The following ITPR2 variants were observed in gnomAD, a reference collection of about 807,000 sequenced individuals.
ITPR2 encodes inositol 1,4,5-trisphosphate receptor type 2.
In ITPR2, 207 loss-of-function variants were observed where a neutral mutation model predicts 317.1. That is an observed-to-expected ratio of 0.65 (90% CI 0.58 to 0.73). ITPR2 has a LOEUF of 0.73. Ranked by LOEUF, ITPR2 falls within the 30% of genes least tolerant of loss-of-function variation. The pLI is 0.00. For missense variants in ITPR2, 2,613 were observed against 3,284.0 expected (o/e 0.80, Z 4.99); for synonymous variants, 1,156 against 1,149.1 (o/e 1.01, Z -0.12).
intron 34 of ITPR2, among the ~76,000 whole-genome samples, chr12:26,571,759 A>G (rs1945166624): frequency 6.6e-6 from 1 of 152,238 alleles, no homozygotes; most frequent in African/African-American, 2.4e-5. Context: ...TTATGTCCAC[A>G]TCATAGATTT....
At chr12:26,626,207 C>A (rs116597301) in intron 23 of ITPR2, among the ~76,000 whole-genome samples, 1 of 152,180 alleles carries the variant, frequency 6.6e-6, no homozygotes, top group Admixed American at 6.5e-5. Flanking sequence ...TCAACCAATC[C>A]GCCCCCTTCG....
chr12:26,394,981 G>A (rs535985488), intron 54 of ITPR2, among the ~76,000 whole-genome samples: 3 of 152,186 alleles, frequency 2.0e-5, no homozygotes, highest in Non-Finnish European at 4.4e-5. Flanking sequence ...AGCTAGGCTA[G>A]AGGAGGGAGA....
intron 26 of ITPR2, among the ~76,000 whole-genome samples, chr12:26,608,377 A>C (rs1451098550): frequency 6.6e-6 from 1 of 152,256 alleles, no homozygotes; most frequent in African/African-American, 2.4e-5. Context: ...ACACATCAGG[A>C]ACCTAGTGAG....
At chr12:26,369,483 T>G (rs547481425) in intron 55 of ITPR2, among the ~76,000 whole-genome samples, 5 of 152,200 alleles carry the variant, frequency 3.3e-5, no homozygotes, top group African/African-American at 1.2e-4. Flanking sequence ...ATGGAATGAA[T>G]GTACATCGTG....
intron 2 of ITPR2, among the ~76,000 whole-genome samples, chr12:26,759,060 C>T (rs1470528562): frequency 1.3e-5 from 2 of 152,140 alleles, no homozygotes; most frequent in East Asian, 3.9e-4. Flanking sequence ...TCTCCAGTGT[C>T]TATCACAGTA....
At chr12:26,661,273 T>TGG (rs1565673570) in intron 15 of ITPR2, among the ~76,000 whole-genome samples, 1 of 14,300 alleles carries the variant, frequency 7.0e-5, no homozygotes, top group Non-Finnish European at 1.6e-4. Flanking sequence ...GGGGTGTGTG[T>TGG]GTGGGGGGGG....
intron 55 of ITPR2, among the ~76,000 whole-genome samples, chr12:26,359,918 T>C (rs1242109605): frequency 6.6e-6 from 1 of 152,204 alleles, no homozygotes; most frequent in Non-Finnish European, 1.5e-5. Flanking sequence ...CCCATTCTTC[T>C]GTTCTGTATC....
chr12:26,566,818 T>G (rs767442945), intron 34 of ITPR2, among the ~76,000 whole-genome samples: 1 of 152,178 alleles, frequency 6.6e-6, no homozygotes, highest in Non-Finnish European at 1.5e-5. Context: ...CACACAGCAG[T>G]GCAACTGCAC....
intron 1 of ITPR2, among the ~76,000 whole-genome samples, chr12:26,817,727 C>T (rs138787461): frequency 6.6e-6 from 1 of 152,292 alleles, no homozygotes; most frequent in Non-Finnish European, 1.5e-5. Context: ...TACAGTAGAG[C>T]CAGCATTTGA....
At chr12:26,444,126 T>C (rs955778074) in intron 45 of ITPR2, among the ~76,000 whole-genome samples, 1 of 152,164 alleles carries the variant, frequency 6.6e-6, no homozygotes, top group Admixed American at 6.6e-5. Context: ...TGTTGCTTCA[T>C]GTTTGTAAGC....
At chr12:26,719,254 T>C (rs1214573446) in intron 5 of ITPR2, among the ~76,000 whole-genome samples, 2 of 152,200 alleles carry the variant, frequency 1.3e-5, no homozygotes, top group Admixed American at 6.5e-5. Context: ...ATTTTCAAAA[T>C]AGTGAAGCTC....
Position 26,730,538 on chromosome 12 carries a change from G to C in ITPR2, c.164-4773C>G, listed in dbSNP as rs569113319. On this transcript the variant is annotated intron_variant, in intron 2 of 56. Transcript: ENST00000381340. Reference sequence around the variant, plus strand: ...CGAGCATCAACAGCACAAATAAAAGGAAGTTATTTTTGTTTAATTTTTTTA... The same window carrying C: ...CGAGCATCAACAGCACAAATAAAAGCAAGTTATTTTTGTTTAATTTTTTTA... Among the ~76,000 whole-genome samples, 8 of 152,254 alleles carry C rather than the reference G, an allele frequency of 5.3e-5. No individual in the cohort carries two copies. The South Asian group carries it at 1.7e-3, about 32-fold the overall frequency.
At chr12:26,632,854 G>A (rs1298508556) in intron 21 of ITPR2, among the ~76,000 whole-genome samples, 1 of 152,130 alleles carries the variant, frequency 6.6e-6, no homozygotes. Flanking sequence ...TCCTTACACT[G>A]ACCACAAATA....
At chr12:26,658,233 T>C in intron 16 of ITPR2, 103 bp from the exon 17 acceptor site, 1 of 737,220 alleles carries the variant, frequency 1.4e-6, no homozygotes, top group South Asian at 4.2e-5. Context: ...ACTTATTATA[T>C]GTTTTAATAT....
chr12:26,812,087 C>T (rs530681192), intron 1 of ITPR2, among the ~76,000 whole-genome samples: 4 of 150,002 alleles, frequency 2.7e-5, no homozygotes, highest in South Asian at 4.2e-4. Context: ...CACTTCATCC[C>T]GGGAGGCGGA....
chr12:26,692,220 C>A (rs1021631343), intron 10 of ITPR2, among the ~76,000 whole-genome samples: 1 of 147,280 alleles, frequency 6.8e-6, no homozygotes, highest in South Asian at 2.1e-4. Context: ...GCACATAGAC[C>A]GGTGGTTCTC....
At chr12:26,651,547 C>G (rs1947254910) in intron 21 of ITPR2, among the ~76,000 whole-genome samples, 1 of 152,038 alleles carries the variant, frequency 6.6e-6, no homozygotes, top group Non-Finnish European at 1.5e-5. Context: ...TTCCATAGTC[C>G]ACTGTGCTTG....
At chr12:26,704,311 C>A (rs995612858) in intron 9 of ITPR2, among the ~76,000 whole-genome samples, 2 of 152,146 alleles carry the variant, frequency 1.3e-5, no homozygotes, top group African/African-American at 4.8e-5. Flanking sequence ...TTCAGCTGTT[C>A]TCCTAGATAA....
At chr12:26,541,612 G>C (rs1208316984) in intron 37 of ITPR2, among the ~76,000 whole-genome samples, 1 of 152,144 alleles carries the variant, frequency 6.6e-6, no homozygotes, top group Non-Finnish European at 1.5e-5. Flanking sequence ...TTGCCTGCTA[G>C]AAACTGAAAT....
Sources: gnomAD v4.1 joint callset for allele counts (sites outside exome capture counted in the v4.1 genomes callset) on GRCh38, gnomAD v4.1.1 for gene constraint, MANE v1.5 for transcripts, NCBI Gene and HGNC (gene_info 2026-07-23, HGNC 2026-07-21) for gene names.